The following CEP290 variants were observed in gnomAD, a reference collection of about 807,000 sequenced individuals.
CEP290 encodes the protein centrosomal protein 290.
A neutral mutation model predicts 344.9 loss-of-function variants in CEP290; 317 were observed. The ratio of observed to expected loss-of-function variants is 0.92; its 90% confidence interval spans 0.84 to 1.01. The LOEUF is 1.01. Among genes scored for constraint, CEP290 ranks in the 50% least tolerant of loss-of-function variants. The pLI, the probability that CEP290 is intolerant of heterozygous loss-of-function variation, is 0.00. For missense variants in CEP290, 2,754 were observed against 2,761.4 expected (o/e 1.00, Z 0.06); for synonymous variants, 932 against 895.8 (o/e 1.04, Z -0.72).
chr12:88,119,980 G>T, intron 15 of CEP290, 134 bp downstream of exon 15: 222 of 470,778 alleles, frequency 4.7e-4, no homozygotes, highest in East Asian at 1.2e-3. Context: ...ACTTTTATTT[G>T]TATTAAATGT....
At position 88,086,515 on chromosome 12, in the gene CEP290, T is replaced by C; in HGVS notation, c.4195-17A>G. 1.3e-6 allele frequency: 2 copies of C among 1,556,610 alleles called. No homozygotes were observed. Among genetic ancestry groups the C allele is most frequent in the Non-Finnish European group, 1.7e-6 (2 of 1,143,828 alleles). ...TTCATGAAACTAAAAAAAGGACAAT[T>C]TGTGTCAGACACATACACGAAGACA... is the stretch of plus-strand genomic sequence containing the variant. On this transcript the variant is annotated splice_polypyrimidine_tract_variant and intron_variant, in intron 32 of 53. Transcript: ENST00000552810.
At position 88,101,741 on chromosome 12, in the gene CEP290, A is replaced by T. The variant is rs911007426; in HGVS notation, c.2991+1097T>A. ...AACGTTAAACATCACTCATTGATACATTATCCACAAGATGTCTCTTGCCTA... is the reference window on the plus strand; with the variant it reads ...AACGTTAAACATCACTCATTGATACTTTATCCACAAGATGTCTCTTGCCTA... On this transcript the variant is annotated intron_variant, in intron 26 of 53. Coordinates refer to ENST00000552810, the MANE Select transcript of CEP290 (RefSeq NM_025114.4). 2.6e-5 allele frequency among the ~76,000 whole-genome samples: 4 copies of T among 152,080 alleles called. No individual in the cohort carries two copies. The South Asian group carries it at 6.2e-4, about 24-fold the overall frequency.
intron 10 of CEP290, 56 bp from the exon 11 acceptor site, chr12:88,129,091 A>T: frequency 1.1e-6 from 1 of 938,756 alleles, no homozygotes; most frequent in Non-Finnish European, 1.5e-6. Flanking sequence ...ATATATTTAC[A>T]CCTGTGCATA....
At chr12:88,125,479 T>C (rs1344102219) in intron 12 of CEP290, 110 bp from the exon 13 acceptor site, 19 of 461,524 alleles carry the variant, frequency 4.1e-5, no homozygotes, top group Non-Finnish European at 6.3e-5. Flanking sequence ...CATATTTTCT[T>C]GTGGGTACAA....
Position 88,105,371 on chromosome 12 carries a change from C to CA in CEP290, c.2817+1303dup, listed in dbSNP as rs201689017. Among the ~76,000 whole-genome samples the CA allele has an allele frequency of 7.8e-3, 1,186 of 151,832 alleles. 20 individuals carry two copies. The highest frequency in any genetic ancestry group is 0.027 in the African/African-American group (1,119 of 41,418). ...CTTAAAAAAGAGAAAGCGGAGGGGA[C>CA]AAAAAAAGCAGGTAGTGCAGAGTAC... On this transcript the variant is annotated intron_variant, in intron 25 of 53. Transcript: ENST00000552810.
chr12:88,083,022 A>G lies in CEP290; in HGVS notation c.5012+9T>C. ...TTGCCTATTTTTACAATACATTTCG[A>G]AGACTTACTGTAATTTGATATTTTC... On this transcript the variant is annotated intron_variant, in intron 37 of 53. Transcript: ENST00000552810. The G allele has an allele frequency of 7.0e-7, 1 of 1,427,128 alleles. No homozygotes were observed. The highest frequency in any genetic ancestry group is 9.5e-7 in the Non-Finnish European group (1 of 1,051,502). 88.4% of individuals were successfully genotyped at this position (1,427,128 alleles called of 1,614,324 possible). A position where few individuals can be genotyped will look rare whatever the true frequency, so the allele number is the denominator to read the frequency against.
At chr12:88,117,799 C>A (rs1004487081) in intron 17 of CEP290, among the ~76,000 whole-genome samples, 1 of 152,100 alleles carries the variant, frequency 6.6e-6, no homozygotes, top group Admixed American at 6.6e-5. Flanking sequence ...CTTTGGGGAG[C>A]CAAAGTGGAT....
chr12:88,096,178 AG>A (rs1304141626), intron 27 of CEP290, among the ~76,000 whole-genome samples: 2 of 152,030 alleles, frequency 1.3e-5, no homozygotes, highest in African/African-American at 4.8e-5. Flanking sequence ...CCTCCTGAGT[AG>A]ATGGAATTAC....
chr12:88,119,799 T>C (rs887447383), intron 15 of CEP290, among the ~76,000 whole-genome samples: 4 of 151,866 alleles, frequency 2.6e-5, no homozygotes, highest in South Asian at 4.2e-4. Context: ...CCTACTTTTG[T>C]TGGGAAAAAA....
chr12:88,093,219 C>T (rs1054033541), intron 28 of CEP290, among the ~76,000 whole-genome samples: 1 of 151,964 alleles, frequency 6.6e-6, no homozygotes, highest in Non-Finnish European at 1.5e-5. Flanking sequence ...ATAGTTAAAA[C>T]AAAAATGATA....
chr12:88,120,231 T>C lies in CEP290; in HGVS notation c.1405A>G (p.Lys469Glu), dbSNP rs1361189290. The change falls in exon 15 of 54, where the codon AAA becomes GAA. Residue 469 changes from lysine to glutamate, a missense_variant. Physicochemically the swap from Lys to Glu is moderately conservative, Grantham distance 56. Coordinates refer to ENST00000552810, the MANE Select transcript of CEP290 (RefSeq NM_025114.4). ...EDAVVEIKNC[K>E]NQIKIRDREI... Reference sequence around the variant, plus strand: ...CGATCTCTTATTTTAATTTGGTTTTTACAATTCTTTATTTCAACGACAGCA... The same window carrying C: ...CGATCTCTTATTTTAATTTGGTTTTCACAATTCTTTATTTCAACGACAGCA... 18 of 1,500,628 alleles carry C rather than the reference T, an allele frequency of 1.2e-5. No homozygotes were observed. The highest frequency in any genetic ancestry group is 1.4e-5 in the Non-Finnish European group (16 of 1,115,586). The allele number at this position is 1,500,628 out of a possible 1,614,324, so 93.0% of individuals were successfully genotyped here.
intron 18 of CEP290, chr12:88,115,815 T>G: frequency 1.0e-6 from 1 of 984,558 alleles, no homozygotes. Flanking sequence ...TATAAGATTT[T>G]CAAGAGAATT....
Position 88,111,327 on chromosome 12 carries a change from T to C in CEP290, c.2242A>G (p.Ser748Gly). 6.4e-7 allele frequency: 1 copy of C among 1,563,306 alleles called. No individual in the cohort carries two copies. The highest frequency in any genetic ancestry group is 1.2e-5 in the South Asian group (1 of 82,690). ...LKIDHLEKET[S>G]LLRQSEGSNV... ...GATCCTTCTGATTGTCGTAAAAGAC[T>C]AGTTTCTTTTTCAAGATGGTCTATC... The change falls in exon 22 of 54, where the codon AGT becomes GGT. Residue 748 changes from serine (S) to glycine (G), a missense_variant. Coordinates refer to ENST00000552810, the MANE Select transcript of CEP290 (RefSeq NM_025114.4).
At chr12:88,129,531 G>A (rs867758358) in intron 10 of CEP290, among the ~76,000 whole-genome samples, 163 bp downstream of exon 10, 21 of 151,844 alleles carry the variant, frequency 1.4e-4, no homozygotes, top group Admixed American at 2.6e-4. Flanking sequence ...GAGGTGATTG[G>A]AGAAACACAT....
At chr12:88,123,689 CAT>C (rs1350041690) in intron 13 of CEP290, among the ~76,000 whole-genome samples, 1 of 152,076 alleles carries the variant, frequency 6.6e-6, no homozygotes, top group Non-Finnish European at 1.5e-5. Context: ...TAGCCAGCCT[CAT>C]TATTTCAATT....
At chr12:88,071,998 T>A (rs1419929924) in intron 41 of CEP290, 72 bp from the exon 42 acceptor site, 1 of 1,327,830 alleles carries the variant, frequency 7.5e-7, no homozygotes, top group Non-Finnish European at 1.0e-6. Flanking sequence ...TTATCAATTA[T>A]AATTTGCCTA....
chr12:88,097,046 C>T, intron 26 of CEP290, 47 bp from the exon 27 acceptor site: 1 of 898,186 alleles, frequency 1.1e-6, no homozygotes, highest in Non-Finnish European at 1.7e-6. Flanking sequence ...GTAATTCAGA[C>T]CAATACCACA....
chr12:88,089,371 CTTCTGCAG>C lies in CEP290; in HGVS notation c.3682_3689del (p.Leu1228AspfsTer13). 6.2e-7 allele frequency: 1 copy of C among 1,613,912 alleles called. No individual in the cohort carries two copies. The highest frequency in any genetic ancestry group is 8.5e-7 in the Non-Finnish European group (1 of 1,179,876). On this transcript the variant is annotated frameshift_variant, in exon 31 of 54. Coordinates refer to ENST00000552810, the MANE Select transcript of CEP290 (RefSeq NM_025114.4). LOFTEE classifies it high-confidence loss of function. ...CTAAGCGCAAGTTGTAGGCCTCCAT[CTTCTGCAG>C]TTTAGATGTAATTGACTCCAACTTA...
At chr12:88,133,101 A>G (rs1235715884) in intron 6 of CEP290, among the ~76,000 whole-genome samples, 1 of 143,230 alleles carries the variant, frequency 7.0e-6, no homozygotes. Context: ...TTTGAGACAA[A>G]CTCTAGTTTT....
Sources: allele counts gnomAD v4.1 joint callset (sites outside exome capture counted in the v4.1 genomes callset), GRCh38; gene constraint gnomAD v4.1.1; transcripts MANE v1.5; gene names NCBI Gene and HGNC (gene_info 2026-07-23, HGNC 2026-07-21).